Variants in RBM6 observed in about 807,000 individuals in gnomAD.
RBM6 encodes the protein RNA-binding protein 6.
In RBM6, 23 loss-of-function variants were observed where a neutral mutation model predicts 140.4. The observed-to-expected ratio is 0.16, with a 90% CI of 0.12 to 0.23. The LOEUF (loss-of-function observed/expected upper bound fraction) is 0.23. Ranked by LOEUF, RBM6 falls within the 10% of genes least tolerant of loss-of-function variation. The pLI, the probability that RBM6 is intolerant of heterozygous loss-of-function variation, is 1.00. For synonymous variants in RBM6, 439 were observed against 475.6 expected (o/e 0.92, Z 1.00); for missense variants, 1,139 against 1,386.7 (o/e 0.82, Z 2.84).
At chr3:49,941,776 C>T (rs1278780534) in intron 1 of RBM6, among the ~76,000 whole-genome samples, 1 of 151,318 alleles carries the variant, frequency 6.6e-6, no homozygotes, top group African/African-American at 2.4e-5. Flanking sequence ...CTATGTTGGC[C>T]AGGCTGGTCT....
chr3:49,979,438 G>GTTT (rs35205938), intron 5 of RBM6, among the ~76,000 whole-genome samples: 11 of 124,560 alleles, frequency 8.8e-5, no homozygotes, highest in African/African-American at 1.5e-4. Context: ...TGCTTACTTT[G>GTTT]TTTTTTTTTT....
Position 49,992,903 on chromosome 3 carries a change from A to G in RBM6, c.1484-6537A>G, listed in dbSNP as rs539734180. On this transcript the variant is annotated intron_variant, in intron 5 of 20. Coordinates refer to ENST00000266022, the MANE Select transcript of RBM6 (RefSeq NM_005777.3). ...CAGACTGAAGTGTTCTTGCTTGGGG[A>G]AAAGCAGATTTGCAAAGGTTCTCTT... Among the ~76,000 whole-genome samples, 18 of 152,278 alleles carry G rather than the reference A, an allele frequency of 1.2e-4. No homozygotes were observed. The East Asian group carries it at 2.3e-3, about 20-fold the overall frequency.
At position 49,967,011 on chromosome 3, in the gene RBM6, T is replaced by G. The variant is rs1234227759; in HGVS notation, c.45-459T>G. On this transcript the variant is annotated intron_variant, in intron 2 of 20. Coordinates refer to ENST00000266022, the MANE Select transcript of RBM6 (RefSeq NM_005777.3). The surrounding 1 kb of genome is among the most constrained non-coding windows in gnomAD (Gnocchi z 4.0). ...AATATTTTTGAATGTTACCGCTGGA[T>G]GCAGCGTGAGAAAGATACCTCCTGA... 6.6e-6 allele frequency among the ~76,000 whole-genome samples: 1 copy of G among 152,194 alleles called. No individual in the cohort carries two copies. The highest frequency in any genetic ancestry group is 1.9e-4 in the East Asian group (1 of 5,206).
At position 49,968,210 on chromosome 3, in the gene RBM6, G is replaced by A. The variant is rs773121331; in HGVS notation, c.785G>A (p.Arg262Gln). The A allele has an allele frequency of 1.9e-6, 3 of 1,614,124 alleles. No individual in the cohort carries two copies. The highest frequency in any genetic ancestry group is 1.3e-5 in the African/African-American group (1 of 75,024). The change falls in exon 3 of 21, where the codon CGA becomes CAA. Residue 262 changes from arginine to glutamine, a missense_variant. By Grantham distance (43) the Arg-to-Gln change is conservative. Transcript: ENST00000266022. ...CATTCAGATTTCAGAGGTAGACACC[G>A]ATCTAGGACTGATCAGGATTTTAGG... ...TPHSDFRGRH[R>Q]SRTDQDFRGR...
chr3:49,992,802 C>T (rs1286837629), intron 5 of RBM6, among the ~76,000 whole-genome samples: 3 of 152,218 alleles, frequency 2.0e-5, no homozygotes, highest in Non-Finnish European at 2.9e-5. Flanking sequence ...TGTCACCTCT[C>T]TGCATAGACA....
intron 6 of RBM6, among the ~76,000 whole-genome samples, chr3:50,029,351 A>G (rs564824188): frequency 1.3e-5 from 2 of 152,298 alleles, no homozygotes; most frequent in South Asian, 2.1e-4. Flanking sequence ...GAAAGAGTTT[A>G]AACAAAGAAT....
chr3:49,988,341 A>C (rs912776251), intron 5 of RBM6, among the ~76,000 whole-genome samples: 1 of 151,940 alleles, frequency 6.6e-6, no homozygotes, highest in Non-Finnish European at 1.5e-5. Flanking sequence ...CATGGGGGTC[A>C]CTGTCTTGCC....
intron 1 of RBM6, among the ~76,000 whole-genome samples, chr3:49,960,930 G>A: frequency 1.6e-5 from 1 of 64,108 alleles, no homozygotes; most frequent in Admixed American, 1.8e-4. Flanking sequence ...TTTTTTTTTT[G>A]AGACAGCCTC....
At chr3:49,945,087 G>A (rs1274331404) in intron 1 of RBM6, among the ~76,000 whole-genome samples, 1 of 151,072 alleles carries the variant, frequency 6.6e-6, no homozygotes, top group East Asian at 2.0e-4. Context: ...GTGTTAGCCA[G>A]GATAGTCTCC....
chr3:50,025,387 C>T (rs2087740725), intron 6 of RBM6, among the ~76,000 whole-genome samples: 1 of 151,656 alleles, frequency 6.6e-6, no homozygotes. Context: ...CACACCACTG[C>T]ACTCCAGCCT....
chr3:50,069,507 C>CAAAA (rs60210595), intron 18 of RBM6, among the ~76,000 whole-genome samples: 1 of 107,434 alleles, frequency 9.3e-6, no homozygotes, highest in African/African-American at 3.7e-5. Context: ...GACCTTGTCT[C>CAAAA]AAAAAAAAAA....
intron 6 of RBM6, among the ~76,000 whole-genome samples, chr3:50,031,027 G>A (rs1406346387): frequency 6.6e-6 from 1 of 152,178 alleles, no homozygotes; most frequent in Admixed American, 6.5e-5. Flanking sequence ...GGTGGCTCAC[G>A]CCTATATGTA....
At chr3:50,056,451 T>G (rs1342741341) in intron 8 of RBM6, among the ~76,000 whole-genome samples, 2 of 152,044 alleles carry the variant, frequency 1.3e-5, no homozygotes, top group Non-Finnish European at 2.9e-5. Flanking sequence ...CCCGCCACCG[T>G]GCCCAGCTAA....
intron 7 of RBM6, among the ~76,000 whole-genome samples, chr3:50,048,765 C>T (rs2108881784): frequency 6.6e-6 from 1 of 152,244 alleles, no homozygotes; most frequent in Middle Eastern, 3.4e-3. Flanking sequence ...CTCTATTAAA[C>T]TCCATATTCT....
In RBM6 at chr3:50,061,156, G is replaced by T; in HGVS notation, c.2288G>T (p.Arg763Leu). 1.2e-6 allele frequency: 2 copies of T among 1,614,136 alleles called. No individual in the cohort carries two copies. Among genetic ancestry groups the T allele is most frequent in the Non-Finnish European group, 1.7e-6 (2 of 1,180,026 alleles). The change falls in exon 13 of 21, where the codon CGA (arginine) becomes CTA (leucine). Residue 763 changes from arginine (R) to leucine (L), a missense_variant. Physicochemically the swap from Arg to Leu is moderately radical, Grantham distance 102. Transcript: ENST00000266022. The part of the protein sequence containing the change: ...MHYYQGKKYF[R>L]DRRGGGRNSD... ...CTGTGATAGGGTAAAAAATATTTCC[G>T]AGATAGGAGGGGAGGTGGCAGAAAT...
Position 49,990,804 on chromosome 3 carries a change from T to C in RBM6, c.1484-8636T>C, listed in dbSNP as rs2108705765. On this transcript the variant is annotated intron_variant, in intron 5 of 20. Coordinates refer to ENST00000266022, the MANE Select transcript of RBM6 (RefSeq NM_005777.3). ...GAAAAACAAGCCCCAGGTGAATTGA[T>C]AGATGGATGTCTGAACATGTTCAGG... 2.0e-5 allele frequency among the ~76,000 whole-genome samples: 3 copies of C among 152,280 alleles called. No homozygotes were observed. In the South Asian group the frequency reaches 6.2e-4, roughly 32 times the overall value.
chr3:49,988,829 G>A (rs1386583346), intron 5 of RBM6, among the ~76,000 whole-genome samples: 1 of 152,018 alleles, frequency 6.6e-6, no homozygotes, highest in Admixed American at 6.6e-5. Context: ...GGGTGTGGTG[G>A]CACACGCCTG....
At chr3:49,961,139 A>G (rs1174688699) in intron 1 of RBM6, among the ~76,000 whole-genome samples, 1 of 151,968 alleles carries the variant, frequency 6.6e-6, no homozygotes, top group African/African-American at 2.4e-5. Flanking sequence ...GTGCAGTGGC[A>G]TGATCTTGGC....
chr3:50,067,897 A>G (rs887997191), intron 17 of RBM6, among the ~76,000 whole-genome samples: 5 of 152,188 alleles, frequency 3.3e-5, no homozygotes, highest in Admixed American at 6.5e-5. Context: ...TTTCCCAGCC[A>G]TCTCTGTGGA....
Sources: gnomAD v4.1 joint callset for allele counts (sites outside exome capture counted in the v4.1 genomes callset) on GRCh38, gnomAD v4.1.1 for gene constraint, Gnocchi (gnomAD v3.1) non-coding constraint, MANE v1.5 for transcripts, NCBI Gene and HGNC (gene_info 2026-07-23, HGNC 2026-07-21) for gene names.